The following SHTN1 variants were observed in gnomAD, a reference collection of about 807,000 sequenced individuals.
SHTN1 encodes shootin 1, also known as shootin-1.
A neutral mutation model predicts 83.1 loss-of-function variants in SHTN1; 42 were observed. The ratio of observed to expected loss-of-function variants is 0.51; its 90% CI spans 0.39 to 0.65. The LOEUF (loss-of-function observed/expected upper bound fraction) is 0.65, where lower values mean the gene tolerates loss of function less well. Ranked by LOEUF, SHTN1 falls within the 30% of genes least tolerant of loss-of-function variation. The pLI, the probability that SHTN1 is intolerant of heterozygous loss-of-function variation, is 0.00. For synonymous variants in SHTN1, 224 were observed against 247.7 expected, an observed-to-expected ratio of 0.90 and a Z score of 0.90; for missense variants, 622 against 737.8, an observed-to-expected ratio of 0.84 and a Z score of 1.82.
intron 2 of SHTN1, among the ~76,000 whole-genome samples, chr10:116,978,540 C>A (rs553799866): frequency 6.6e-6 from 1 of 151,748 alleles, no homozygotes; most frequent in East Asian, 1.9e-4. Context: ...AGTCCCTCTA[C>A]GTTTCTGACC....
At chr10:116,945,816 G>T (rs958917656) in intron 7 of SHTN1, among the ~76,000 whole-genome samples, 2 of 152,024 alleles carry the variant, frequency 1.3e-5, no homozygotes, top group African/African-American at 4.8e-5. Context: ...GCAGAAATAT[G>T]GAAACAGCCC....
chr10:117,005,299 G>A, upstream of SHTN1: 1 of 1,420,486 alleles, frequency 7.0e-7, no homozygotes, highest in East Asian at 2.7e-5. Context: ...GCGGGGCGGG[G>A]CGGGCCCAGC....
chr10:116,967,640 T>C (rs1850445337), intron 3 of SHTN1, among the ~76,000 whole-genome samples: 1 of 152,190 alleles, frequency 6.6e-6, no homozygotes, highest in Admixed American at 6.5e-5. Flanking sequence ...TCTACCCTCT[T>C]AGTAAATTTT....
chr10:117,063,640 T>C (rs1255920723), intron 1 of SHTN1, among the ~76,000 whole-genome samples: 2 of 152,174 alleles, frequency 1.3e-5, no homozygotes, highest in Non-Finnish European at 2.9e-5. Flanking sequence ...GCCCTTGGTG[T>C]GGCATTAAGA....
At chr10:117,085,795 C>T (rs1853341564) in intron 1 of SHTN1, among the ~76,000 whole-genome samples, 1 of 152,044 alleles carries the variant, frequency 6.6e-6, no homozygotes, top group East Asian at 1.9e-4. Context: ...TAGATTGATG[C>T]TCTGTTGTCA....
In SHTN1 at chr10:116,886,900, TGC is replaced by T. The variant is rs535063618; in HGVS notation, c.1674-336_1674-335del. 1.7e-3 allele frequency among the ~76,000 whole-genome samples: 265 copies of T among 152,314 alleles called. 3 individuals carry two copies. Among genetic ancestry groups the T allele is most frequent in the African/African-American group, 6.3e-3 (260 of 41,570 alleles). Reference sequence around the variant, plus strand: ...GACAAACTGTGAACTTCTCACAGCCTGCTGCCCAGACCCCCACCCGCCCTCAC... The same window carrying T: ...GACAAACTGTGAACTTCTCACAGCCTTGCCCAGACCCCCACCCGCCCTCAC... On this transcript the variant is annotated intron_variant, in intron 16 of 16. Transcript: ENST00000355371.
intron 1 of SHTN1, among the ~76,000 whole-genome samples, chr10:117,123,907 CA>C (rs368750401): frequency 4.8e-3 from 389 of 81,340 alleles, no homozygotes; most frequent in Middle Eastern, 0.012. Flanking sequence ...CCCTGTCTCA[CA>C]AAAAAAAAAA....
At chr10:117,004,885 G>A in intron 1 of SHTN1, 137 bp downstream of exon 1, 1 of 671,172 alleles carries the variant, frequency 1.5e-6, no homozygotes, top group East Asian at 3.1e-5. Context: ...TTCTCTGCGG[G>A]TGACGGAGCT....
chr10:117,054,251 T>A (rs1432251991), intron 1 of SHTN1, among the ~76,000 whole-genome samples: 4 of 151,988 alleles, frequency 2.6e-5, no homozygotes, highest in Non-Finnish European at 5.9e-5. Context: ...AAAATAGAGA[T>A]CATAAGACTG....
intron 1 of SHTN1, among the ~76,000 whole-genome samples, chr10:117,050,882 G>C (rs540758574): frequency 5.9e-5 from 9 of 151,998 alleles, no homozygotes; most frequent in African/African-American, 2.2e-4. Flanking sequence ...GTAAGACTTC[G>C]TCTCTACAAA....
Position 116,927,837 on chromosome 10 carries a change from G to C in SHTN1, c.1067C>G (p.Pro356Arg). Reference sequence around the variant, plus strand: ...AGGGGGAAGTGGTGGTGGAGGAGGAGGTGGTGGAGGTACTGAATTCTCAGA... The same window carrying C: ...AGGGGGAAGTGGTGGTGGAGGAGGACGTGGTGGAGGTACTGAATTCTCAGA... ...NQSENSVPPP[P>R]PPPPPLPPPP... is the part of the protein sequence containing the mutation. Residue 356 changes from proline (P) to arginine (R), a missense_variant, in exon 11 of 17, where the codon CCT becomes CGT. Transcript: ENST00000355371. 1.9e-6 allele frequency: 3 copies of C among 1,609,576 alleles called. No individual in the cohort carries two copies. Among genetic ancestry groups the C allele is most frequent in the Non-Finnish European group, 2.5e-6 (3 of 1,178,072 alleles).
chr10:116,998,261 C>T (rs2133531619), intron 1 of SHTN1, among the ~76,000 whole-genome samples: 1 of 152,280 alleles, frequency 6.6e-6, no homozygotes, highest in Non-Finnish European at 1.5e-5. Context: ...TTCTGTTGTT[C>T]AGAGTTCCGT....
At chr10:116,985,983 T>G (rs1203105488) in intron 1 of SHTN1, among the ~76,000 whole-genome samples, 1 of 152,216 alleles carries the variant, frequency 6.6e-6, no homozygotes, top group Non-Finnish European at 1.5e-5. Context: ...GTGACAGATT[T>G]CATATCCTGA....
chr10:117,067,769 T>C (rs1853023831), intron 1 of SHTN1, among the ~76,000 whole-genome samples: 1 of 151,830 alleles, frequency 6.6e-6, no homozygotes, highest in Non-Finnish European at 1.5e-5. Context: ...GCAGGAAGGA[T>C]GGAAAGATAG....
chr10:117,119,653 C>T (rs889289165), intron 1 of SHTN1, among the ~76,000 whole-genome samples: 2 of 152,074 alleles, frequency 1.3e-5, no homozygotes, highest in African/African-American at 4.8e-5. Flanking sequence ...ATACAGCAAG[C>T]CCACTGCTGG....
chr10:116,929,963 G>T lies in SHTN1; in HGVS notation c.898C>A (p.His300Asn). 1 of 1,601,214 alleles carries T rather than the reference G, an allele frequency of 6.2e-7. No individual in the cohort carries two copies. Among genetic ancestry groups the T allele is most frequent in the Non-Finnish European group, 8.5e-7 (1 of 1,173,394 alleles). ...LEEQLENETL[H>N]KEIHNLKQQL... ...TGTTTGAGGTTGTGTATTTCTTTGT[G>T]GAGTGTTTCATTTTCTAGTTGCTCT... Residue 300 changes from histidine to asparagine, a missense_variant, in exon 10 of 17, where the codon CAC becomes AAC. Physicochemically the swap from His to Asn is moderately conservative, Grantham distance 68. This residue lies in a region of SHTN1 where 383 missense variants were observed against 455.8 expected (regional missense o/e 0.84). Coordinates refer to ENST00000355371, the MANE Select transcript of SHTN1 (RefSeq NM_001127211.3).
intron 8 of SHTN1, among the ~76,000 whole-genome samples, chr10:116,944,569 T>C (rs959961752): frequency 6.6e-6 from 1 of 152,158 alleles, no homozygotes; most frequent in Non-Finnish European, 1.5e-5. Context: ...TTGTCTGATA[T>C]GTCGTCTGCA....
At chr10:116,979,554 C>T (rs1317455090) in intron 1 of SHTN1, among the ~76,000 whole-genome samples, 4 of 152,192 alleles carry the variant, frequency 2.6e-5, no homozygotes, top group East Asian at 3.9e-4. Context: ...TCGCAAAGTG[C>T]GATTACAGGC....
intron 1 of SHTN1, among the ~76,000 whole-genome samples, chr10:117,116,929 T>C (rs186124562): frequency 6.6e-6 from 1 of 152,250 alleles, no homozygotes; most frequent in Admixed American, 6.5e-5. Context: ...AAAGGCTGTA[T>C]ATGACAAACC....
Sources: allele counts gnomAD v4.1 joint callset (sites outside exome capture counted in the v4.1 genomes callset), GRCh38; gene constraint gnomAD v4.1.1; regional missense constraint gnomAD v4.1.1; transcripts MANE v1.5; gene names NCBI Gene and HGNC (gene_info 2026-07-23, HGNC 2026-07-21).